Variants in ACACB observed in about 807,000 individuals in gnomAD.
The protein encoded by ACACB is acetyl-CoA carboxylase 2.
Under a neutral mutation model 278.8 loss-of-function variants are expected in ACACB, and 209 were observed. The ratio of observed to expected loss-of-function variants is 0.75; its 90% CI spans 0.67 to 0.84. The LOEUF is 0.84. Among genes scored for constraint, ACACB ranks in the 40% least tolerant of loss-of-function variants. The pLI, the probability that ACACB is intolerant of heterozygous loss-of-function variation, is 0.00. For synonymous variants in ACACB, 1,174 were observed against 1,285.6 expected (o/e 0.91, Z 1.86); for missense variants, 2,850 against 3,269.0 (o/e 0.87, Z 3.13).
chr12:109,129,100 G>A (rs1055466504), intron 1 of ACACB, among the ~76,000 whole-genome samples: 10 of 144,382 alleles, frequency 6.9e-5, no homozygotes, highest in Non-Finnish European at 1.2e-4. Flanking sequence ...ACCCTGTCTC[G>A]AAAAAAATAA....
chr12:109,247,678 C>T lies in ACACB; in HGVS notation c.5644C>T (p.His1882Tyr), dbSNP rs746829930. The part of the protein sequence containing the change: ...ISSLNSVHCK[H>Y]IEEGGESRYM... ...CTCCCTGAACTCCGTCCACTGTAAACACATCGAGGAAGGAGGAGAGTCCAG... is the reference window on the plus strand; with the variant it reads ...CTCCCTGAACTCCGTCCACTGTAAATACATCGAGGAAGGAGGAGAGTCCAG... Residue 1882 changes from histidine (H) to tyrosine (Y), a missense_variant, in exon 40 of 53, where the codon CAC (histidine) becomes TAC (tyrosine). His to Tyr is a moderately conservative substitution (Grantham distance 83). Coordinates refer to ENST00000338432, the MANE Select transcript of ACACB (RefSeq NM_001093.4). The T allele has an allele frequency of 1.8e-5, 29 of 1,613,688 alleles. No individual in the cohort carries two copies. The highest frequency in any genetic ancestry group is 2.4e-5 in the Non-Finnish European group (28 of 1,179,846).
upstream of ACACB, among the ~76,000 whole-genome samples, chr12:109,115,594 G>C (rs200394832): frequency 3.4e-5 from 5 of 146,028 alleles, no homozygotes; most frequent in Admixed American, 3.4e-4. Context: ...CCTTCACCCC[G>C]GTTCCTGTAA....
At chr12:109,122,552 G>A (rs1408431613) in intron 1 of ACACB, among the ~76,000 whole-genome samples, 4 of 125,942 alleles carry the variant, frequency 3.2e-5, no homozygotes, top group Non-Finnish European at 6.2e-5. Flanking sequence ...CAGCCTAGGC[G>A]CCAGAGTCAG....
At chr12:109,148,674 A>G (rs2300459) in intron 2 of ACACB, among the ~76,000 whole-genome samples, 69,829 of 152,062 alleles carry the variant, frequency 0.46, 17,656 homozygotes, top group Middle Eastern at 0.69. Context: ...GTTCCAAAAC[A>G]TATCAGGCCC....
chr12:109,258,432 G>A, intron 46 of ACACB, 68 bp downstream of exon 46: 1 of 1,356,254 alleles, frequency 7.4e-7, no homozygotes, highest in South Asian at 1.3e-5. Context: ...TCCTGGGCGT[G>A]GGGGTCCCAT....
Position 109,193,724 on chromosome 12 carries a change from C to G in ACACB, c.2476C>G (p.Leu826Val). The G allele has an allele frequency of 6.2e-7, 1 of 1,612,636 alleles. No individual in the cohort carries two copies. The highest frequency in any genetic ancestry group is 8.5e-7 in the Non-Finnish European group (1 of 1,178,646). ...AATTTACGGAGGTGTTAAGTACATT[C>G]TCAAGGTAAATGCCCCCGTGCCTCT... ...ELIYGGVKYI[L>V]KVARQSLTMF... The change falls in exon 16 of 53, where the codon CTC becomes GTC. Residue 826 changes from leucine to valine, a missense_variant. By Grantham distance (32) the Leu-to-Val change is conservative (BLOSUM62 1). Around this residue, in one of 3 missense-constraint regions of ACACB, gnomAD observed 2,265 missense variants for 2,561.3 expected, o/e 0.88. Transcript: ENST00000338432.
intron 24 of ACACB, among the ~76,000 whole-genome samples, chr12:109,217,705 C>T (rs2046045428): frequency 6.6e-6 from 1 of 150,808 alleles, no homozygotes; most frequent in African/African-American, 2.5e-5. Context: ...GGGGCTGAGG[C>T]AGGAGGATTG....
Position 109,250,080 on chromosome 12 carries a change from C to T in ACACB, c.5766C>T (p.Tyr1922=), listed in dbSNP as rs762520393. ...GMIAGESSLA[Y]EEIVTISLVT... ...TTGCTGGGGAGTCCTCTCTGGCTTA[C>T]GAAGAGATCGTCACCATTAGCTTGG... The change falls in exon 41 of 53, where the codon TAC becomes TAT. Residue 1922 remains tyrosine, a synonymous_variant. Coordinates refer to ENST00000338432, the MANE Select transcript of ACACB (RefSeq NM_001093.4). 5.5e-5 allele frequency: 89 copies of T among 1,612,372 alleles called. No individual in the cohort carries two copies. Among genetic ancestry groups the T allele is most frequent in the Admixed American group, 3.3e-4 (20 of 59,742 alleles).
intron 3 of ACACB, among the ~76,000 whole-genome samples, chr12:109,167,461 T>C (rs1417441781): frequency 6.6e-6 from 1 of 150,752 alleles, no homozygotes; most frequent in Non-Finnish European, 1.5e-5. Flanking sequence ...TAGCAGGATG[T>C]GGTGGTGTAC....
rs749557404 is a variant in ACACB, at chr12:109,139,759, C to T, written c.354C>T (p.Asn118=). The T allele has an allele frequency of 7.4e-6, 12 of 1,614,084 alleles. No homozygotes were observed. Among genetic ancestry groups the T allele is most frequent in the Admixed American group, 3.3e-5 (2 of 59,990 alleles). Residue 118 remains asparagine, a synonymous_variant, in exon 2 of 53, where the codon AAC becomes AAT. Coordinates refer to ENST00000338432, the MANE Select transcript of ACACB (RefSeq NM_001093.4). The part of the protein sequence containing the change: ...DAAPSPELQA[N]GTGTQGLEAT... ...CACCCTCCCCAGAGCTTCAAGCCAA[C>T]GGGACTGGGACACAAGGTCTGGAGG...
chr12:109,200,437 GC>G (rs1233580623), intron 18 of ACACB, among the ~76,000 whole-genome samples: 1 of 152,066 alleles, frequency 6.6e-6, no homozygotes, highest in African/African-American at 2.4e-5. Context: ...ACCTGCTTTG[GC>G]CTCTGAAAGT....
intron 11 of ACACB, among the ~76,000 whole-genome samples, chr12:109,181,969 G>A (rs1160027630): frequency 4.8e-5 from 7 of 147,250 alleles, no homozygotes; most frequent in African/African-American, 1.5e-4. Context: ...TCAGCCTCCT[G>A]AGTAGCTGGG....
intron 3 of ACACB, 93 bp downstream of exon 3, chr12:109,167,086 A>G: frequency 1.3e-6 from 2 of 1,559,252 alleles, no homozygotes; most frequent in Non-Finnish European, 1.8e-6. Context: ...GTTCAGGCTC[A>G]TTCTGCCTGC....
chr12:109,123,208 A>G (rs1427165572), intron 1 of ACACB, among the ~76,000 whole-genome samples: 1 of 151,746 alleles, frequency 6.6e-6, no homozygotes, highest in Non-Finnish European at 1.5e-5. Flanking sequence ...TTTTAAACAT[A>G]CAAGTTGAAA....
At chr12:109,133,708 T>C (rs1430256979) in intron 1 of ACACB, among the ~76,000 whole-genome samples, 1 of 151,818 alleles carries the variant, frequency 6.6e-6, no homozygotes, top group Non-Finnish European at 1.5e-5. Context: ...CAGCCCTTTC[T>C]TTCAAAACTG....
intron 2 of ACACB, among the ~76,000 whole-genome samples, chr12:109,150,147 C>A (rs117175171): frequency 6.6e-6 from 1 of 152,174 alleles, no homozygotes; most frequent in South Asian, 2.1e-4. Context: ...AGCCCAGGAC[C>A]CACAATCAGG....
At position 109,239,918 on chromosome 12, in the gene ACACB, G is replaced by T. The variant is rs774700704; in HGVS notation, c.4751G>T (p.Ser1584Ile). 8 of 1,614,202 alleles carry T rather than the reference G, an allele frequency of 5.0e-6. No individual in the cohort carries two copies. The Admixed American group carries it at 1.3e-4, about 27-fold the overall frequency. The change falls in exon 35 of 53, where the codon AGC becomes ATC. Residue 1584 changes from serine (S) to isoleucine (I), a missense_variant. Transcript: ENST00000338432. ...CTGGAGGTGGCGTTCAATAACACCA[G>T]CGTGCGCACCGACTGCAACCACATC... The part of the protein sequence containing the change: ...DELEVAFNNT[S>I]VRTDCNHIFL...
chr12:109,170,840 G>C, intron 4 of ACACB, among the ~76,000 whole-genome samples: 1 of 150,874 alleles, frequency 6.6e-6, no homozygotes, highest in African/African-American at 2.4e-5. Flanking sequence ...ATTTTTGTTT[G>C]TTTGTTTGTT....
Position 109,237,379 on chromosome 12 carries a change from A to G in ACACB, c.4661A>G (p.Lys1554Arg). Residue 1554 changes from lysine to arginine, a missense_variant and splice_region_variant, in exon 34 of 53, where the codon AAG (lysine) becomes AGG (arginine). Physicochemically the swap from Lys to Arg is conservative, Grantham distance 26. Coordinates refer to ENST00000338432, the MANE Select transcript of ACACB (RefSeq NM_001093.4). Reference sequence around the variant, plus strand: ...ATCAGGCACTCTGACCTGATCACAAAGGTAAGATGTCGCAGAGCATTTCTT... The same window carrying G: ...ATCAGGCACTCTGACCTGATCACAAGGGTAAGATGTCGCAGAGCATTTCTT... The part of the protein sequence containing the change: ...AIIRHSDLIT[K>R]EASFEYLQNE... 6.2e-7 allele frequency: 1 copy of G among 1,613,290 alleles called. No individual in the cohort carries two copies. Among genetic ancestry groups the G allele is most frequent in the Non-Finnish European group, 8.5e-7 (1 of 1,179,564 alleles).
Sources: allele counts gnomAD v4.1 joint callset (sites outside exome capture counted in the v4.1 genomes callset), GRCh38; gene constraint gnomAD v4.1.1; regional missense constraint gnomAD v4.1.1; transcripts MANE v1.5; gene names NCBI Gene and HGNC (gene_info 2026-07-23, HGNC 2026-07-21).